BCL2: variants seen among roughly 807,000 people sequenced by gnomAD.
BCL2 encodes apoptosis regulator Bcl-2.
A neutral mutation model predicts 14.2 loss-of-function variants in BCL2; 1 was observed. The observed-to-expected ratio is 0.07, with a 90% CI of 0.02 to 0.33. BCL2 has a LOEUF of 0.33. BCL2 is among the 10% of genes least tolerant of loss of function. BCL2 has a pLI of 0.99. For synonymous variants in BCL2, 151 were observed against 137.2 expected, an observed-to-expected ratio of 1.10 and a Z score of -0.70; for missense variants, 247 against 305.9, an observed-to-expected ratio of 0.81 and a Z score of 1.44.
In BCL2 at chr18:63,169,369, C is replaced by CTTTCTTTCTTTCTTTCTTTCTTTCTCTT. The variant is rs372286465; in HGVS notation, c.586-40611_586-40610insAAGAGAAAGAAAGAAAGAAAGAAAGAAA. On this transcript the variant is annotated intron_variant, in intron 2 of 2. Coordinates refer to ENST00000333681, the MANE Select transcript of BCL2 (RefSeq NM_000633.3). ...TCTTTCTTTCTTTCTTTCTTTCTTTCTCTTTCTTTCTTTCTTTCTTTTTCT... is the reference window on the plus strand; with the variant it reads ...TCTTTCTTTCTTTCTTTCTTTCTTTCTTTCTTTCTTTCTTTCTTTCTTTCTCTTTCTTTCTTTCTTTCTTTCTTTTTCT... 2.5e-3 allele frequency among the ~76,000 whole-genome samples: 171 copies of CTTTCTTTCTTTCTTTCTTTCTTTCTCTT among 69,538 alleles called. 14 individuals carry two copies. The highest frequency in any genetic ancestry group is 0.015 in the African/African-American group (147 of 10,114). 45.6% of individuals were successfully genotyped at this position (69,538 alleles called of 152,430 possible). A position where few individuals can be genotyped will look rare whatever the true frequency, so the allele number is the denominator to read the frequency against.
chr18:63,163,319 G>A (rs889814402), intron 2 of BCL2, among the ~76,000 whole-genome samples: 4 of 152,054 alleles, frequency 2.6e-5, no homozygotes, highest in African/African-American at 9.7e-5. Context: ...TTCTCCAATA[G>A]TTCATCACAT....
At chr18:63,147,434 T>A (rs926225962) in intron 2 of BCL2, among the ~76,000 whole-genome samples, 1 of 152,194 alleles carries the variant, frequency 6.6e-6, no homozygotes, top group Admixed American at 6.5e-5. Flanking sequence ...CAATGTGCCA[T>A]CACATTTATT....
At chr18:63,185,416 A>G (rs1915571683) in intron 2 of BCL2, among the ~76,000 whole-genome samples, 1 of 152,262 alleles carries the variant, frequency 6.6e-6, no homozygotes, top group South Asian at 2.1e-4. Context: ...GATGCTAAAA[A>G]AAGTGTCCTT....
chr18:63,208,639 G>T (rs972427139), intron 2 of BCL2, among the ~76,000 whole-genome samples: 1 of 152,190 alleles, frequency 6.6e-6, no homozygotes, highest in East Asian at 1.9e-4. Flanking sequence ...AGGATTTATA[G>T]CCAGGAAAAC....
At chr18:63,164,884 TAGA>T (rs1915006035) in intron 2 of BCL2, among the ~76,000 whole-genome samples, 1 of 152,134 alleles carries the variant, frequency 6.6e-6, no homozygotes, top group African/African-American at 2.4e-5. Context: ...AGTCAATTAA[TAGA>T]AGAATATTTT....
rs560098125 is a variant in BCL2 at position 63,312,852 on chromosome 18, T to C, written c.585+5230A>G. 3.3e-5 allele frequency among the ~76,000 whole-genome samples: 5 copies of C among 152,354 alleles called. No homozygotes were observed. In the East Asian group the frequency reaches 5.8e-4, roughly 18 times the overall value. On this transcript the variant is annotated intron_variant, in intron 2 of 2. Coordinates refer to ENST00000333681, the MANE Select transcript of BCL2 (RefSeq NM_000633.3). ...AAGAATTAATGAAATGCTTTAGAAATTGTAGACTGGTGTTTATTAAGTCTT... is the reference window on the plus strand; with the variant it reads ...AAGAATTAATGAAATGCTTTAGAAACTGTAGACTGGTGTTTATTAAGTCTT...
chr18:63,246,982 C>T (rs531168897), intron 2 of BCL2, among the ~76,000 whole-genome samples: 5 of 152,162 alleles, frequency 3.3e-5, no homozygotes, highest in South Asian at 2.1e-4. Context: ...TGTTTGGCTA[C>T]GAGAATAAAC....
At chr18:63,267,373 C>G (rs540850652) in intron 2 of BCL2, among the ~76,000 whole-genome samples, 1 of 152,228 alleles carries the variant, frequency 6.6e-6, no homozygotes, top group Admixed American at 6.5e-5. Context: ...TGAACTAAGG[C>G]AGTGGCAGCA....
chr18:63,268,375 C>CA (rs1417506846), intron 2 of BCL2, among the ~76,000 whole-genome samples: 1 of 152,122 alleles, frequency 6.6e-6, no homozygotes, highest in African/African-American at 2.4e-5. Flanking sequence ...TCTTCCACTA[C>CA]AAAAAAAGTG....
At chr18:63,270,971 C>T (rs540426371) in intron 2 of BCL2, among the ~76,000 whole-genome samples, 1 of 152,224 alleles carries the variant, frequency 6.6e-6, no homozygotes, top group East Asian at 1.9e-4. Context: ...AGGCATGTGG[C>T]CACCACACCT....
chr18:63,165,957 G>A (rs148443870), intron 2 of BCL2, among the ~76,000 whole-genome samples: 1 of 152,212 alleles, frequency 6.6e-6, no homozygotes, highest in Non-Finnish European at 1.5e-5. Context: ...TTGCTGGATC[G>A]CTTTAAAGCT....
At chr18:63,223,256 C>T (rs1031943188) in intron 2 of BCL2, among the ~76,000 whole-genome samples, 5 of 151,860 alleles carry the variant, frequency 3.3e-5, no homozygotes, top group Non-Finnish European at 7.4e-5. Flanking sequence ...AAAAGTTAGC[C>T]GGGCGTGGTG....
intron 2 of BCL2, among the ~76,000 whole-genome samples, chr18:63,182,770 A>C (rs1457629278): frequency 6.6e-6 from 1 of 152,206 alleles, no homozygotes; most frequent in African/African-American, 2.4e-5. Context: ...TTTTGCATAG[A>C]GTTCTGCTTT....
chr18:63,128,820 C>T (rs1290182302), intron 2 of BCL2, 61 bp from the exon 3 acceptor site: 4 of 706,388 alleles, frequency 5.7e-6, no homozygotes, highest in Admixed American at 3.9e-5. Flanking sequence ...GCAGAGAATG[C>T]CACCCCACAG....
chr18:63,267,553 C>G (rs1166191634), intron 2 of BCL2, among the ~76,000 whole-genome samples: 1 of 152,126 alleles, frequency 6.6e-6, no homozygotes, highest in Non-Finnish European at 1.5e-5. Context: ...GAAGATCAAG[C>G]AAAGGAAGTG....
chr18:63,276,289 C>G (rs1162300360), intron 2 of BCL2, among the ~76,000 whole-genome samples: 1 of 152,218 alleles, frequency 6.6e-6, no homozygotes, highest in East Asian at 1.9e-4. Context: ...CACTTCACTT[C>G]CCTGATCCAA....
At chr18:63,214,165 G>T (rs1186187572) in intron 2 of BCL2, among the ~76,000 whole-genome samples, 1 of 152,214 alleles carries the variant, frequency 6.6e-6, no homozygotes, top group Non-Finnish European at 1.5e-5. Flanking sequence ...GGGCAGAACA[G>T]ACAAGGAAGA....
chr18:63,268,414 A>C (rs1207326650), intron 2 of BCL2, among the ~76,000 whole-genome samples: 1 of 152,214 alleles, frequency 6.6e-6, no homozygotes, highest in African/African-American at 2.4e-5. Flanking sequence ...GGAACAATTT[A>C]GCCAGGTGAG....
rs1913901702 is a variant in BCL2, at chr18:63,126,001, T to C, written c.*2624A>G. 4.6e-6 allele frequency: 1 copy of C among 216,294 alleles called. No individual in the cohort carries two copies. Among genetic ancestry groups the C allele is most frequent in the South Asian group, 1.8e-4 (1 of 5,406 alleles). The allele number at this position is 216,294 out of a possible 1,614,324, so 13.4% of individuals were successfully genotyped here. A position where few individuals can be genotyped will look rare whatever the true frequency, so the allele number is the denominator to read the frequency against. ...GGCTTTATATTAAAAACGTCCACGT[T>C]CTTCATTGTTACTTCTAAAGCAGCT... On this transcript the variant is annotated 3_prime_UTR_variant, in exon 3 of 3. Transcript: ENST00000333681.
Sources: gnomAD v4.1 joint callset for allele counts (sites outside exome capture counted in the v4.1 genomes callset) on GRCh38, gnomAD v4.1.1 for gene constraint, MANE v1.5 for transcripts, NCBI Gene and HGNC (gene_info 2026-07-23, HGNC 2026-07-21) for gene names.